Variants in PLEKHA4 observed in about 807,000 individuals in gnomAD.
PLEKHA4 encodes the protein pleckstrin homology domain-containing family A member 4.
A neutral mutation model predicts 94.7 loss-of-function variants in PLEKHA4; 73 were observed. The ratio of observed to expected loss-of-function variants is 0.77; its 90% CI spans 0.64 to 0.94. PLEKHA4 has a LOEUF of 0.94. Among genes scored for constraint, PLEKHA4 ranks in the 40% least tolerant of loss-of-function variants. The pLI is 0.00. For synonymous variants in PLEKHA4, 449 were observed against 437.1 expected, an observed-to-expected ratio of 1.03 and a Z score of -0.34; for missense variants, 1,049 against 1,054.1, an observed-to-expected ratio of 1.00 and a Z score of 0.07.
Position 48,857,417 on chromosome 19 carries a change from C to A in PLEKHA4, c.1047+5G>T, listed in dbSNP as rs1229301419. The stretch of plus-strand genomic sequence containing the variant: ...GGTAGATTTAGGGTACTCCAGGATA[C>A]CTACCAATAAAACCATGGAGGCCCG... On this transcript the variant is annotated splice_donor_5th_base_variant and intron_variant, in intron 9 of 19. Transcript: ENST00000263265. 4.0e-6 allele frequency: 6 copies of A among 1,494,794 alleles called. No homozygotes were observed. The highest frequency in any genetic ancestry group is 4.5e-6 in the Non-Finnish European group (5 of 1,103,678). The allele number at this position is 1,494,794 out of a possible 1,614,324, so 92.6% of individuals were successfully genotyped here. A position where few individuals can be genotyped will look rare whatever the true frequency, so the allele number is the denominator to read the frequency against.
In PLEKHA4 at chr19:48,867,199, G is replaced by A. The variant is rs142879249; in HGVS notation, c.84+338C>T. 8.4e-4 allele frequency among the ~76,000 whole-genome samples: 128 copies of A among 152,148 alleles called. No homozygotes were observed. Among genetic ancestry groups the A allele is most frequent in the Middle Eastern group, 3.4e-3 (1 of 294 alleles). ...TTCATTAGTGGGTAGATTGGATGGC[G>A]AGAGATAGGACAGCAAGTTCTGGCA... On this transcript the variant is annotated intron_variant, in intron 2 of 19. Coordinates refer to ENST00000263265, the MANE Select transcript of PLEKHA4 (RefSeq NM_020904.3). This position sits in a 1 kb window ranked among gnomAD's most constrained non-coding sequence, Gnocchi z 4.7.
intron 3 of PLEKHA4, 148 bp from the exon 4 acceptor site, chr19:48,861,840 G>T (rs2036653660): frequency 1.1e-5 from 8 of 749,290 alleles, no homozygotes; most frequent in Non-Finnish European, 1.4e-5. Flanking sequence ...AGAGAGTGGG[G>T]TGAGGCCGAG....
intron 18 of PLEKHA4, 60 bp downstream of exon 18, chr19:48,839,145 C>T (rs2122867929): frequency 8.3e-7 from 1 of 1,206,856 alleles, no homozygotes; most frequent in South Asian, 1.4e-5. Flanking sequence ...TAATGCTACT[C>T]CCCTTTGCTT....
chr19:48,852,357 T>C, intron 12 of PLEKHA4, 31 bp from the exon 13 acceptor site: 1 of 1,527,880 alleles, frequency 6.5e-7, no homozygotes, highest in Non-Finnish European at 9.1e-7. Context: ...AGACATAGGT[T>C]AGGTCCCTCT....
chr19:48,849,750 A>G (rs960380077), intron 13 of PLEKHA4, among the ~76,000 whole-genome samples: 5 of 152,224 alleles, frequency 3.3e-5, no homozygotes, highest in South Asian at 4.1e-4. Flanking sequence ...CTGGAACTCC[A>G]GAGGATAAAT....
At chr19:48,863,435 T>G (rs1274655698) in intron 3 of PLEKHA4, among the ~76,000 whole-genome samples, 7 of 148,964 alleles carry the variant, frequency 4.7e-5, no homozygotes, top group East Asian at 1.9e-4. Context: ...GTTTTTTGTT[T>G]TTTTTTTTTT....
In PLEKHA4 at chr19:48,847,914, A is replaced by T. The variant is rs534732993; in HGVS notation, c.1552T>A (p.Ser518Thr). ...GTGCGTCTTACCTCCCTCTCTGAGGACTCCTCGCCCTGGAGCACGGGAGAT... is the reference window on the plus strand; with the variant it reads ...GTGCGTCTTACCTCCCTCTCTGAGGTCTCCTCGCCCTGGAGCACGGGAGAT... ...SPSPVLQGEE[S>T]SERESLPESL... The change falls in exon 14 of 20, where the codon TCC (serine) becomes ACC (threonine). Residue 518 changes from serine to threonine, a missense_variant. Physicochemically the swap from Ser to Thr is moderately conservative, Grantham distance 58. Transcript: ENST00000263265. 3.2e-6 allele frequency: 5 copies of T among 1,576,104 alleles called. No individual in the cohort carries two copies. Among genetic ancestry groups the T allele is most frequent in the South Asian group, 1.2e-5 (1 of 85,636 alleles).
At chr19:48,838,224 CTACT>C (rs1444733085) in intron 18 of PLEKHA4, 95 bp from the exon 19 acceptor site, 31 of 680,704 alleles carry the variant, frequency 4.6e-5, no homozygotes, top group Non-Finnish European at 7.3e-5. Context: ...TGAATAAGAC[CTACT>C]ATTAGATAGC....
Position 48,837,550 on chromosome 19 carries a change from A to T in PLEKHA4, c.2079T>A (p.Gly693=). 6.2e-7 allele frequency: 1 copy of T among 1,613,192 alleles called. No individual in the cohort carries two copies. The highest frequency in any genetic ancestry group is 1.3e-5 in the African/African-American group (1 of 74,942). Residue 693 remains glycine (G), a splice_region_variant and synonymous_variant, in exon 20 of 20, where the codon GGT becomes GGA. Coordinates refer to ENST00000263265, the MANE Select transcript of PLEKHA4 (RefSeq NM_020904.3). This position sits in a 1 kb window ranked among gnomAD's most constrained non-coding sequence, Gnocchi z 4.3. Reference sequence around the variant, plus strand: ...GGTCTCCCTGGGAGTCCAAATTTCCACCTGGAGAGGATGAGTGGGACATGA... The same window carrying T: ...GGTCTCCCTGGGAGTCCAAATTTCCTCCTGGAGAGGATGAGTGGGACATGA... The part of the protein sequence containing the change: ...EASQWHRMMT[G]GNLDSQGDPL...
At chr19:48,838,177 A>C in intron 18 of PLEKHA4, 48 bp from the exon 19 acceptor site, 4 of 806,618 alleles carry the variant, frequency 5.0e-6, no homozygotes, top group Non-Finnish European at 8.2e-6. Context: ...CATGGGGGAG[A>C]GGTGGGGGAT....
rs2122854831 is a variant in PLEKHA4 at position 48,838,139 on chromosome 19, A to C, written c.1965-10T>G. On this transcript the variant is annotated splice_polypyrimidine_tract_variant and intron_variant, in intron 18 of 19. Transcript: ENST00000263265. Reference sequence around the variant, plus strand: ...GGTGGTGTTCCTTGGACTAGAAAAAAAAAGAAGATTGGGGGTGGGGGTGTG... The same window carrying C: ...GGTGGTGTTCCTTGGACTAGAAAAACAAAGAAGATTGGGGGTGGGGGTGTG... 6.3e-7 allele frequency: 1 copy of C among 1,595,258 alleles called. No homozygotes were observed. The highest frequency in any genetic ancestry group is 2.2e-5 in the East Asian group (1 of 44,716).
At position 48,855,747 on chromosome 19, in the gene PLEKHA4, C is replaced by A. The variant is rs193199872; in HGVS notation, c.1048-1483G>T. On this transcript the variant is annotated intron_variant, in intron 9 of 19. Transcript: ENST00000263265. ...GAGGCTGCAGTGAGCCATGATTGCA[C>A]CACTGCACTCCAGCCTGGGTGACAG... Among the ~76,000 whole-genome samples, 171 of 152,058 alleles carry A rather than the reference C, an allele frequency of 1.1e-3. 1 individual carries two copies. The highest frequency in any genetic ancestry group is 0.01 in the Middle Eastern group (3 of 294).
Position 48,859,555 on chromosome 19 carries a change from T to A in PLEKHA4, c.606A>T (p.Arg202Ser). 6.2e-7 allele frequency: 1 copy of A among 1,614,018 alleles called. No homozygotes were observed. ...SESPEVTRLSRGRGRPRLLTP... is the reference protein window; with the variant it reads ...SESPEVTRLSSGRGRPRLLTP... Reference sequence around the variant, plus strand: ...TGAGCAGCCTGGGTCTACCACGACCTCTGGAGAGTCGAGTCACTTCCGGTG... The same window carrying A: ...TGAGCAGCCTGGGTCTACCACGACCACTGGAGAGTCGAGTCACTTCCGGTG... The change falls in exon 7 of 20, where the codon AGA (arginine) becomes AGT (serine). Residue 202 changes from arginine (R) to serine (S), a missense_variant. By Grantham distance (110) the Arg-to-Ser change is moderately radical. Transcript: ENST00000263265.
Position 48,853,922 on chromosome 19 carries a change from G to A in PLEKHA4, c.1176+85C>T, listed in dbSNP as rs182967110. 4.5e-5 allele frequency: 72 copies of A among 1,599,188 alleles called. No homozygotes were observed. The East Asian group carries it at 1.3e-3, about 30-fold the overall frequency. On this transcript the variant is annotated intron_variant, in intron 11 of 19. Transcript: ENST00000263265. The stretch of plus-strand genomic sequence containing the variant: ...TGTCCTTTCACGTCCTGGACGTCCA[G>A]TCAGCATCCTGACTTCCGCATTCAG...
rs2036901381 is a variant in PLEKHA4, at chr19:48,868,294, A to C, written c.-218T>G. 1.4e-5 allele frequency: 2 copies of C among 140,332 alleles called. No homozygotes were observed. Among genetic ancestry groups the C allele is most frequent in the Non-Finnish European group, 1.6e-5 (1 of 63,894 alleles). 8.7% of individuals were successfully genotyped at this position (140,332 alleles called of 1,614,324 possible). A position where few individuals can be genotyped will look rare whatever the true frequency, so the allele number is the denominator to read the frequency against. ...TTCCTTTTACACTACCTCTCTCCCC[A>C]CTCTCACTTTCTGTGTCTCCCTCTG... is the stretch of plus-strand genomic sequence containing the variant. On this transcript the variant is annotated 5_prime_UTR_variant, in exon 1 of 20. Transcript: ENST00000263265.
intron 3 of PLEKHA4, among the ~76,000 whole-genome samples, chr19:48,862,008 C>T (rs1359843804): frequency 6.6e-6 from 1 of 150,508 alleles, no homozygotes; most frequent in Admixed American, 6.6e-5. Flanking sequence ...GTGCCTGTAG[C>T]CCCAGCTACT....
At chr19:48,861,863 C>T (rs879797641) in intron 3 of PLEKHA4, among the ~76,000 whole-genome samples, 171 bp from the exon 4 acceptor site, 6 of 151,976 alleles carry the variant, frequency 3.9e-5, no homozygotes, top group Non-Finnish European at 8.8e-5. Flanking sequence ...CAATGGCTCA[C>T]GCCTGTAATC....
intron 5 of PLEKHA4, 147 bp from the exon 6 acceptor site, chr19:48,860,606 G>T (rs941929917): frequency 3.2e-6 from 2 of 629,148 alleles, no homozygotes; most frequent in African/African-American, 1.8e-5. Context: ...AACATAATGA[G>T]ACACCCCCCT....
rs553905074 is a variant in PLEKHA4, at chr19:48,844,908, G to A, written c.1743+462C>T. Among the ~76,000 whole-genome samples, 69 of 143,226 alleles carry A rather than the reference G, an allele frequency of 4.8e-4. 1 individual carries two copies. In the South Asian group the frequency reaches 0.015, roughly 32 times the overall value. The allele number at this position is 143,226 out of a possible 152,430, so 94.0% of individuals were successfully genotyped here. On this transcript the variant is annotated intron_variant, in intron 16 of 19. Coordinates refer to ENST00000263265, the MANE Select transcript of PLEKHA4 (RefSeq NM_020904.3). ...CAGCTCACTGCAACCTCTGCCTCCC[G>A]AGTTCAAGCGATTCTCCTGCCTCAG...
Sources: gnomAD v4.1 joint callset for allele counts (sites outside exome capture counted in the v4.1 genomes callset) on GRCh38, gnomAD v4.1.1 for gene constraint, Gnocchi (gnomAD v3.1) non-coding constraint, MANE v1.5 for transcripts, NCBI Gene and HGNC (gene_info 2026-07-23, HGNC 2026-07-21) for gene names.